Variants in SBF2 observed in about 807,000 individuals in gnomAD.
The protein encoded by SBF2 is myotubularin-related protein 13.
SBF2 carries 112 observed loss-of-function variants against 225.2 expected under a neutral mutation model. The observed-to-expected ratio is 0.50, with a 90% CI of 0.43 to 0.58. The LOEUF (loss-of-function observed/expected upper bound fraction) is 0.58, where lower values mean the gene tolerates loss of function less well. Ranked by LOEUF, SBF2 falls within the 20% of genes least tolerant of loss-of-function variation. SBF2 has a pLI of 0.00. For synonymous variants in SBF2, 763 were observed against 773.3 expected (o/e 0.99, Z 0.22); for missense variants, 1,996 against 2,206.2 (o/e 0.90, Z 1.91).
intron 2 of SBF2, among the ~76,000 whole-genome samples, chr11:10,107,907 G>T (rs1175945040): frequency 6.6e-6 from 1 of 152,168 alleles, no homozygotes; most frequent in Non-Finnish European, 1.5e-5. Context: ...CCACTACAAA[G>T]CTCTAGTGAC....
intron 22 of SBF2, among the ~76,000 whole-genome samples, chr11:9,847,615 G>T (rs142804008): frequency 6.6e-6 from 1 of 151,812 alleles, no homozygotes; most frequent in East Asian, 1.9e-4. Context: ...AGTTTGTTTC[G>T]AAATATGTAA....
chr11:9,975,871 T>C (rs1283236558), intron 13 of SBF2, among the ~76,000 whole-genome samples: 1 of 152,104 alleles, frequency 6.6e-6, no homozygotes, highest in Admixed American at 6.6e-5. Flanking sequence ...TCAGTGTAGA[T>C]GACATGTAGT....
At position 10,002,609 on chromosome 11, in the gene SBF2, G is replaced by A. The variant is rs749378136; in HGVS notation, c.700C>T (p.Leu234Phe). ...TCCAGGGCTCTACAAGCATCACTAAGTCTCTGGAAACTTGCAGAATGGAAG... is the reference window on the plus strand; with the variant it reads ...TCCAGGGCTCTACAAGCATCACTAAATCTCTGGAAACTTGCAGAATGGAAG... ...VLFHSASFQR[L>F]SDACRALESL... is the part of the protein sequence containing the mutation. Residue 234 changes from leucine (L) to phenylalanine (F), a missense_variant, in exon 7 of 40, where the codon CTT becomes TTT. Physicochemically the swap from Leu to Phe is conservative, Grantham distance 22 (BLOSUM62 0). Transcript: ENST00000256190. 1.2e-6 allele frequency: 2 copies of A among 1,612,672 alleles called. No homozygotes were observed. The highest frequency in any genetic ancestry group is 1.7e-6 in the Non-Finnish European group (2 of 1,178,752).
chr11:10,051,708 A>G (rs1239684224), intron 2 of SBF2, among the ~76,000 whole-genome samples: 1 of 152,160 alleles, frequency 6.6e-6, no homozygotes, highest in Non-Finnish European at 1.5e-5. Context: ...AATAAAATAC[A>G]GTAACATAGA....
chr11:9,919,693 C>T (rs574991292), intron 16 of SBF2, among the ~76,000 whole-genome samples: 11 of 152,164 alleles, frequency 7.2e-5, no homozygotes, highest in Admixed American at 1.3e-4. Flanking sequence ...GGTGTGGCCC[C>T]GGGCTGTCTG....
chr11:10,200,179 C>T (rs1348410182), intron 1 of SBF2, among the ~76,000 whole-genome samples: 1 of 152,154 alleles, frequency 6.6e-6, no homozygotes, highest in Non-Finnish European at 1.5e-5. Flanking sequence ...AGTCCAGTTC[C>T]ACCATTCCAT....
At chr11:10,237,993 G>A (rs528324591) in intron 1 of SBF2, among the ~76,000 whole-genome samples, 6 of 152,288 alleles carry the variant, frequency 3.9e-5, no homozygotes, top group South Asian at 4.1e-4. Context: ...AAGCTACTAC[G>A]AACATCCTTA....
At chr11:10,220,447 T>C (rs1039808931) in intron 1 of SBF2, among the ~76,000 whole-genome samples, 6 of 152,120 alleles carry the variant, frequency 3.9e-5, no homozygotes, top group East Asian at 1.9e-4. Flanking sequence ...TTACAGCACA[T>C]ACAACAAATC....
chr11:9,923,136 T>C (rs1053470537), intron 16 of SBF2, among the ~76,000 whole-genome samples: 1 of 152,104 alleles, frequency 6.6e-6, no homozygotes, highest in Non-Finnish European at 1.5e-5. Context: ...TTAAAAGCAC[T>C]CACTTCCTGC....
chr11:9,925,815 C>T (rs1002991806), intron 16 of SBF2, among the ~76,000 whole-genome samples: 54 of 152,132 alleles, frequency 3.5e-4, no homozygotes, highest in African/African-American at 1.2e-3. Context: ...CACAATTGCC[C>T]TTTCCTTAGG....
chr11:10,217,886 G>A (rs1249524921), intron 1 of SBF2, among the ~76,000 whole-genome samples: 1 of 152,104 alleles, frequency 6.6e-6, no homozygotes, highest in African/African-American at 2.4e-5. Flanking sequence ...GAAGGCAAAT[G>A]AGGAGCAAAG....
intron 21 of SBF2, 111 bp downstream of exon 21, chr11:9,852,565 G>C (rs1186928681): frequency 2.5e-6 from 2 of 796,366 alleles, no homozygotes; most frequent in East Asian, 2.4e-5. Context: ...ATTAAAACTG[G>C]AGTTAGTGTC....
intron 16 of SBF2, chr11:9,958,355 T>TTC (rs1866321405): frequency 6.6e-6 from 1 of 151,082 alleles, no homozygotes; most frequent in African/African-American, 2.4e-5. Context: ...ATTCCATCCT[T>TTC]TCTTTTTTTT....
At chr11:10,158,443 T>A (rs1212816010) in intron 2 of SBF2, among the ~76,000 whole-genome samples, 1 of 151,934 alleles carries the variant, frequency 6.6e-6, no homozygotes, top group Admixed American at 6.6e-5. Context: ...TTAGCCAGAC[T>A]AGGAAAAGAG....
rs374114606 is a variant in SBF2, at chr11:10,042,933, T to C, written c.190A>G (p.Thr64Ala). 199 of 1,613,902 alleles carry C rather than the reference T, an allele frequency of 1.2e-4. No individual in the cohort carries two copies. The highest frequency in any genetic ancestry group is 1.6e-4 in the Non-Finnish European group (191 of 1,179,916). ...TCTGTCAGGACAACCACAAAGAACGTTGGCTGCTTCCTCTCTCTGGACAGC... is the reference window on the plus strand; with the variant it reads ...TCTGTCAGGACAACCACAAAGAACGCTGGCTGCTTCCTCTCTCTGGACAGC... ...WQLSRERKQP[T>A]FFVVVLTDID... Residue 64 changes from threonine to alanine, a missense_variant, in exon 3 of 40, where the codon ACG becomes GCG. Physicochemically the swap from Thr to Ala is moderately conservative, Grantham distance 58. Transcript: ENST00000256190.
At chr11:10,136,352 G>A (rs1954354446) in intron 2 of SBF2, among the ~76,000 whole-genome samples, 5 of 152,088 alleles carry the variant, frequency 3.3e-5, no homozygotes, top group Admixed American at 2.6e-4. Context: ...ACTCTTGGTG[G>A]GCTCCTGAAT....
At chr11:10,143,248 C>A (rs541544047) in intron 2 of SBF2, among the ~76,000 whole-genome samples, 1 of 151,982 alleles carries the variant, frequency 6.6e-6, no homozygotes, top group Non-Finnish European at 1.5e-5. Flanking sequence ...CTCGGCTCAC[C>A]GTAACCTCTG....
intron 2 of SBF2, among the ~76,000 whole-genome samples, chr11:10,141,206 C>T (rs1954624865): frequency 6.6e-6 from 1 of 152,104 alleles, no homozygotes; most frequent in Admixed American, 6.6e-5. Flanking sequence ...AGGTTTATAA[C>T]AGTGTTTCTC....
At chr11:10,088,623 G>A (rs543837929) in intron 2 of SBF2, among the ~76,000 whole-genome samples, 6 of 152,154 alleles carry the variant, frequency 3.9e-5, no homozygotes, top group Non-Finnish European at 7.3e-5. Flanking sequence ...TGAAGGGGAG[G>A]TGTCTGGCTC....
Sources: gnomAD v4.1 joint callset for allele counts (sites outside exome capture counted in the v4.1 genomes callset) on GRCh38, gnomAD v4.1.1 for gene constraint, MANE v1.5 for transcripts, NCBI Gene and HGNC (gene_info 2026-07-23, HGNC 2026-07-21) for gene names.